CLASP1: variants seen among roughly 807,000 people sequenced by gnomAD.
The protein encoded by CLASP1 is CLIP-associating protein 1.
CLASP1 carries 38 observed loss-of-function variants against 192.3 expected under a neutral mutation model. That is an observed-to-expected ratio of 0.20 (90% CI 0.15 to 0.26). The LOEUF is 0.26. Ranked by LOEUF, CLASP1 falls within the 10% of genes least tolerant of loss-of-function variation. The probability of loss-of-function intolerance (pLI) is 1.00; values close to 1 mark genes in which losing one functional copy is unlikely to be tolerated. For synonymous variants in CLASP1, 691 were observed against 712.8 expected (o/e 0.97, Z 0.49); for missense variants, 1,433 against 1,932.5 (o/e 0.74, Z 4.85).
chr2:121,608,460 T>G (rs985816552), intron 1 of CLASP1, among the ~76,000 whole-genome samples: 1 of 152,186 alleles, frequency 6.6e-6, no homozygotes, highest in African/African-American at 2.4e-5. Context: ...CTTAGAATGC[T>G]GCCCTGGGAC....
intron 25 of CLASP1, 61 bp from the exon 27 acceptor site, chr2:121,404,495 C>A: frequency 6.9e-7 from 1 of 1,438,908 alleles, no homozygotes; most frequent in South Asian, 1.2e-5. Flanking sequence ...GAGACAGGGT[C>A]TCACTCTATT....
intron 8 of CLASP1, among the ~76,000 whole-genome samples, chr2:121,491,019 G>C (rs759289179): frequency 6.6e-6 from 1 of 152,176 alleles, no homozygotes; most frequent in Non-Finnish European, 1.5e-5. Flanking sequence ...CTTTGTCCTA[G>C]CCACACTGGG....
intron 2 of CLASP1, among the ~76,000 whole-genome samples, chr2:121,542,127 A>T (rs1211151093): frequency 6.6e-6 from 1 of 152,176 alleles, no homozygotes; most frequent in African/African-American, 2.4e-5. Context: ...CCCTATTTTC[A>T]GTGGCTTTAT....
At chr2:121,348,673 T>C in exon 38 of CLASP1, 1 of 1,613,820 alleles carries the variant, frequency 6.2e-7, no homozygotes, top group Non-Finnish European at 8.5e-7. Context: ...TCCGGGTGGA[T>C]GGAACTGGCC....
Position 121,392,981 on chromosome 2 carries a change from C to T in CLASP1, c.3123+4159G>A, listed in dbSNP as rs115978602. 7.0e-3 allele frequency among the ~76,000 whole-genome samples: 1,065 copies of T among 152,254 alleles called. 9 individuals are homozygous for T. Among genetic ancestry groups the T allele is most frequent in the Middle Eastern group, 0.061 (18 of 294 alleles). ...AAACACCTTAACAATTTAAGCACCC[C>T]TCCCTCCAAAATGTGAAACACCCCA... On this transcript the variant is annotated intron_variant, in intron 30 of 39. Transcript: ENST00000263710.
intron 3 of CLASP1, among the ~76,000 whole-genome samples, chr2:121,529,079 G>A (rs2094669493): frequency 6.6e-6 from 1 of 152,216 alleles, no homozygotes; most frequent in South Asian, 2.1e-4. Context: ...AAGACCTTGA[G>A]AGGAAGAGTC....
At chr2:121,559,351 T>C (rs1169629264) in intron 2 of CLASP1, among the ~76,000 whole-genome samples, 1 of 152,186 alleles carries the variant, frequency 6.6e-6, no homozygotes, top group Non-Finnish European at 1.5e-5. Context: ...CCTAGGTATA[T>C]ACCCAAGAGA....
At chr2:121,406,440 C>T (rs2076921597) in intron 25 of CLASP1, among the ~76,000 whole-genome samples, 1 of 152,106 alleles carries the variant, frequency 6.6e-6, no homozygotes, top group South Asian at 2.1e-4. Context: ...TAATCCAAGA[C>T]CCTAAAGTAT....
intron 34 of CLASP1, among the ~76,000 whole-genome samples, chr2:121,376,527 G>T (rs1471741696): frequency 2.6e-3 from 2 of 776 alleles, no homozygotes; most frequent in East Asian, 0.05. Flanking sequence ...GGGAAGGGGT[G>T]GGGGGGGGGT....
chr2:121,595,342 C>CA (rs1237333710), intron 2 of CLASP1, among the ~76,000 whole-genome samples: 1 of 152,192 alleles, frequency 6.6e-6, no homozygotes, highest in Non-Finnish European at 1.5e-5. Context: ...GCAATGCATG[C>CA]AAAACACTTA....
At chr2:121,409,447 G>C (rs1574458851) in intron 24 of CLASP1, among the ~76,000 whole-genome samples, 2 of 152,178 alleles carry the variant, frequency 1.3e-5, no homozygotes, top group African/African-American at 4.8e-5. Context: ...GTCACTTGGA[G>C]AGACTCAACA....
intron 9 of CLASP1, among the ~76,000 whole-genome samples, chr2:121,464,182 T>G (rs1011394557): frequency 3.6e-4 from 55 of 152,148 alleles, no homozygotes; most frequent in African/African-American, 1.3e-3. Context: ...AACTCATCCT[T>G]TTTTATGGAT....
At chr2:121,525,708 T>G (rs1237605669) in intron 6 of CLASP1, 137 bp downstream of exon 6, 1 of 624,578 alleles carries the variant, frequency 1.6e-6, no homozygotes, top group Non-Finnish European at 2.9e-6. Flanking sequence ...TAAATGCTAA[T>G]GGGTACTGGA....
intron 9 of CLASP1, among the ~76,000 whole-genome samples, chr2:121,466,202 C>G (rs1559314654): frequency 1.3e-5 from 2 of 152,132 alleles, no homozygotes; most frequent in Non-Finnish European, 2.9e-5. Context: ...GAAAACATCA[C>G]CTTTAAAATG....
chr2:121,470,014 CAT>C, intron 8 of CLASP1, 54 bp from the exon 9 acceptor site: 21 of 1,243,050 alleles, frequency 1.7e-5, no homozygotes, highest in Admixed American at 4.4e-5. Context: ...ACTATATATA[CAT>C]ATATATATAC....
chr2:121,390,352 G>C lies in CLASP1; in HGVS notation c.3124-2446C>G, dbSNP rs115477657. Among the ~76,000 whole-genome samples, 750 of 152,302 alleles carry C rather than the reference G, an allele frequency of 4.9e-3. 9 individuals are homozygous for C. The highest frequency in any genetic ancestry group is 0.017 in the African/African-American group (727 of 41,562). The stretch of plus-strand genomic sequence containing the variant: ...CATATGTGAACTGTTATCTTCGTAA[G>C]AGGCAAGACCGTTAGGCAGCCAGAT... On this transcript the variant is annotated intron_variant, in intron 30 of 39. Coordinates refer to ENST00000263710, the Ensembl canonical transcript of CLASP1.
chr2:121,622,199 A>C (rs2067480184), intron 1 of CLASP1, among the ~76,000 whole-genome samples: 1 of 152,126 alleles, frequency 6.6e-6, no homozygotes, highest in Non-Finnish European at 1.5e-5. Flanking sequence ...CCATCATAAC[A>C]ATATTAAGTC....
intron 8 of CLASP1, among the ~76,000 whole-genome samples, chr2:121,479,033 CCACACACACACACACCCCCCCCCCACACA>C (rs2092347694): frequency 1.7e-5 from 1 of 59,014 alleles, no homozygotes; most frequent in Non-Finnish European, 3.3e-5. Flanking sequence ...CACACACACC[CCACACACACACACACCCCCCCCCCACACA>C]CACACACACA....
chr2:121,483,747 ACACCTTTGGATAACTACAG>A (rs1441366553), intron 8 of CLASP1, among the ~76,000 whole-genome samples: 5 of 152,194 alleles, frequency 3.3e-5, no homozygotes, highest in Non-Finnish European at 7.3e-5. Flanking sequence ...GATTTTAATA[ACACCTTTGGATAACTACAG>A]CATACATATG....
Sources: allele counts gnomAD v4.1 joint callset (sites outside exome capture counted in the v4.1 genomes callset), GRCh38; gene constraint gnomAD v4.1.1; transcripts MANE v1.5; gene names NCBI Gene and HGNC (gene_info 2026-07-23, HGNC 2026-07-21).